LMTK2: variants seen among roughly 807,000 people sequenced by gnomAD.
LMTK2 encodes lemur tail kinase 2.
In LMTK2, 37 loss-of-function variants were observed where a neutral mutation model predicts 127.5. That is an observed-to-expected ratio of 0.29 (90% confidence interval 0.22 to 0.38). The LOEUF (loss-of-function observed/expected upper bound fraction) is 0.38, where lower values mean the gene tolerates loss of function less well. Ranked by LOEUF, LMTK2 falls within the 10% of genes least tolerant of loss-of-function variation. The pLI, the probability that LMTK2 is intolerant of heterozygous loss-of-function variation, is 1.00. For missense variants in LMTK2, 1,694 were observed against 1,920.3 expected (o/e 0.88, Z 2.20); for synonymous variants, 819 against 810.1 (o/e 1.01, Z -0.19).
At chr7:98,123,317 C>T (rs1425994423) in intron 1 of LMTK2, among the ~76,000 whole-genome samples, 1 of 152,188 alleles carries the variant, frequency 6.6e-6, no homozygotes, top group East Asian at 1.9e-4. Flanking sequence ...TCATTATTTA[C>T]ATTTTTATGG....
At chr7:98,202,030 G>A (rs1052593027) in intron 11 of LMTK2, among the ~76,000 whole-genome samples, 1 of 152,052 alleles carries the variant, frequency 6.6e-6, no homozygotes, top group Non-Finnish European at 1.5e-5. Flanking sequence ...TCTGCCCCAC[G>A]CCCTGTCTCC....
rs551857400 is a variant in LMTK2, at chr7:98,206,940, C to G, written c.*1448C>G. ...ATGGCCCGGGACTCATCTCACGGAC[C>G]CTCCGTTCTGCATTAAGCCCCAGGT... On this transcript the variant is annotated 3_prime_UTR_variant, in exon 14 of 14. Coordinates refer to ENST00000297293, the MANE Select transcript of LMTK2 (RefSeq NM_014916.4). 6.6e-6 allele frequency: 1 copy of G among 152,252 alleles called. No individual in the cohort carries two copies. Among genetic ancestry groups the G allele is most frequent in the Admixed American group, 6.5e-5 (1 of 15,290 alleles). 9.4% of individuals were successfully genotyped at this position (152,252 alleles called of 1,614,324 possible). A position where few individuals can be genotyped will look rare whatever the true frequency, so the allele number is the denominator to read the frequency against.
chr7:98,118,465 T>C (rs1796318396), intron 1 of LMTK2, among the ~76,000 whole-genome samples: 1 of 152,126 alleles, frequency 6.6e-6, no homozygotes, highest in Non-Finnish European at 1.5e-5. Flanking sequence ...TACTGGCGAG[T>C]CTCTTGAAGA....
chr7:98,142,164 C>T (rs1305186080), intron 3 of LMTK2, among the ~76,000 whole-genome samples: 1 of 151,630 alleles, frequency 6.6e-6, no homozygotes, highest in Non-Finnish European at 1.5e-5. Context: ...TTGCTTTGAC[C>T]AAAGAAGTAG....
At chr7:98,139,735 G>T (rs796280890) in intron 2 of LMTK2, among the ~76,000 whole-genome samples, 1 of 152,134 alleles carries the variant, frequency 6.6e-6, no homozygotes, top group African/African-American at 2.4e-5. Context: ...CTTCTCACAC[G>T]CATATGGAAA....
chr7:98,122,201 C>CT (rs955258371), intron 1 of LMTK2, among the ~76,000 whole-genome samples: 8 of 150,974 alleles, frequency 5.3e-5, no homozygotes, highest in Non-Finnish European at 1.0e-4. Context: ...GTCTGGACTC[C>CT]TTTTTTTTTC....
At chr7:98,174,724 A>G (rs557793162) in intron 7 of LMTK2, among the ~76,000 whole-genome samples, 23 of 152,328 alleles carry the variant, frequency 1.5e-4, no homozygotes, top group Middle Eastern at 6.8e-3. Context: ...GCCAGGTTGT[A>G]GCATTACAGT....
intron 3 of LMTK2, among the ~76,000 whole-genome samples, chr7:98,147,552 G>A (rs1796792295): frequency 6.6e-6 from 1 of 152,082 alleles, no homozygotes. Context: ...AGTTTTTTGA[G>A]TGTGTAGATT....
chr7:98,186,661 G>A (rs1797440403), intron 8 of LMTK2, among the ~76,000 whole-genome samples: 1 of 152,140 alleles, frequency 6.6e-6, no homozygotes. Context: ...CTTAGCAAGC[G>A]TTCATGGCTC....
rs770737389 is a variant in LMTK2, at chr7:98,193,745, G to C, written c.3280G>C (p.Ala1094Pro). 2 of 1,613,960 alleles carry C rather than the reference G, an allele frequency of 1.2e-6. No homozygotes were observed. Among genetic ancestry groups the C allele is most frequent in the Non-Finnish European group, 1.7e-6 (2 of 1,180,008 alleles). Residue 1094 changes from alanine (A) to proline (P), a missense_variant, in exon 11 of 14, where the codon GCT (alanine) becomes CCT (proline). Transcript: ENST00000297293. The surrounding 1 kb of genome is among the most constrained non-coding windows in gnomAD (Gnocchi z 4.1). ...GTEVTPETFT[A>P]GSQGSYRDSA... ...AGAAGTGACCCCTGAGACGTTCACA[G>C]CTGGCTCCCAGGGTTCATACCGAGA... is the stretch of plus-strand genomic sequence containing the variant.
intron 7 of LMTK2, among the ~76,000 whole-genome samples, chr7:98,182,426 G>A (rs1436566217): frequency 6.6e-6 from 1 of 152,060 alleles, no homozygotes; most frequent in Admixed American, 6.6e-5. Flanking sequence ...ATGAAGGAAA[G>A]TGTGTATTTC....
chr7:98,205,492 G>A lies in LMTK2; in HGVS notation c.4512G>A (p.Ter1504=), dbSNP rs1409129632. ...GCAGCGAAGACGGAGAAAAGGACTA[G>A]GTGGCTGCCAACGCGCACGCTCGGG... ...GGSSEDGEKD[*] is the part of the protein sequence containing the mutation. The change falls in exon 14 of 14, where the codon TAG becomes TAA. Residue 1504 remains the stop codon, a stop_retained_variant. Transcript: ENST00000297293. 1.2e-6 allele frequency: 2 copies of A among 1,613,170 alleles called. No homozygotes were observed. The highest frequency in any genetic ancestry group is 2.2e-5 in the East Asian group (1 of 44,886).
intron 1 of LMTK2, among the ~76,000 whole-genome samples, chr7:98,114,989 G>A (rs1305250613): frequency 6.6e-6 from 1 of 152,122 alleles, no homozygotes. Context: ...GGTGCCAGAC[G>A]AAAACATTGG....
Position 98,192,631 on chromosome 7 carries a change from CTT to C in LMTK2, c.2170_2171del (p.Leu724IlefsTer20). On this transcript the variant is annotated frameshift_variant, in exon 11 of 14. Transcript: ENST00000297293. LOFTEE classifies it high-confidence loss of function. ...PLNVQELSENFLFLQEKNLLK... is the reference protein window; with the variant it reads ...PLNVQELSENXLFLQEKNLLK... ...TGAATGTTCAAGAATTGTCAGAAAA[CTT>C]TTTATTTCTTCAAGAGAAAAACTTA... The C allele has an allele frequency of 2.5e-6, 4 of 1,612,162 alleles. No homozygotes were observed. The highest frequency in any genetic ancestry group is 3.4e-6 in the Non-Finnish European group (4 of 1,179,514).
chr7:98,196,356 T>C (rs1797622323), intron 11 of LMTK2, among the ~76,000 whole-genome samples: 1 of 152,100 alleles, frequency 6.6e-6, no homozygotes, highest in Non-Finnish European at 1.5e-5. Context: ...CACGCTGCCG[T>C]TTTCTAGTAA....
intron 1 of LMTK2, among the ~76,000 whole-genome samples, chr7:98,110,508 C>T (rs1796186765): frequency 6.6e-6 from 1 of 152,214 alleles, no homozygotes. Context: ...AGAAAGTTCA[C>T]TGTTTTCACA....
rs936998939 is a variant in LMTK2 at position 98,186,918 on chromosome 7, G to A, written c.918G>A (p.Leu306=). ...IETDDKKVFP[L]RWTAPELVTS... ...CAGATGATAAAAAAGTTTTCCCTCT[G>A]CGATGGACTGCTCCAGAATTAGTAA... Residue 306 remains leucine, a synonymous_variant, in exon 9 of 14, where the codon CTG becomes CTA. Transcript: ENST00000297293. 6.2e-7 allele frequency: 1 copy of A among 1,613,572 alleles called. No homozygotes were observed. Among genetic ancestry groups the A allele is most frequent in the Non-Finnish European group, 8.5e-7 (1 of 1,179,542 alleles).
chr7:98,160,024 A>G (rs1796990083), intron 6 of LMTK2, among the ~76,000 whole-genome samples: 1 of 152,246 alleles, frequency 6.6e-6, no homozygotes, highest in Non-Finnish European at 1.5e-5. Flanking sequence ...TAATTTCAGT[A>G]GTAATTTCTA....
At chr7:98,107,427 C>T (rs1276143514) in intron 1 of LMTK2, 147 bp downstream of exon 1, 1 of 179,392 alleles carries the variant, frequency 5.6e-6, no homozygotes, top group Non-Finnish European at 9.8e-6. Flanking sequence ...AGGGAGATTT[C>T]TGCCGCAGGG....
Sources: allele counts gnomAD v4.1 joint callset (sites outside exome capture counted in the v4.1 genomes callset), GRCh38; gene constraint gnomAD v4.1.1; non-coding constraint Gnocchi (gnomAD v3.1); transcripts MANE v1.5; gene names NCBI Gene and HGNC (gene_info 2026-07-23, HGNC 2026-07-21).